Variants in MARCHF1 observed in about 807,000 individuals in gnomAD.
MARCHF1 encodes E3 ubiquitin-protein ligase MARCHF1.
A neutral mutation model predicts 54.2 loss-of-function variants in MARCHF1; 40 were observed. That is an observed-to-expected ratio of 0.74 (90% CI 0.57 to 0.96). The LOEUF (loss-of-function observed/expected upper bound fraction) is 0.96, where lower values mean the gene tolerates loss of function less well. Ranked by LOEUF, MARCHF1 falls within the 40% of genes least tolerant of loss-of-function variation. The probability of loss-of-function intolerance (pLI) is 0.00; values close to 1 mark genes in which losing one functional copy is unlikely to be tolerated. For synonymous variants in MARCHF1, 236 were observed against 236.3 expected (o/e 1.00, Z 0.01); for missense variants, 586 against 656.5 (o/e 0.89, Z 1.17).
intron 5 of MARCHF1, among the ~76,000 whole-genome samples, chr4:163,647,188 G>T (rs941052391): frequency 6.6e-6 from 1 of 151,938 alleles, no homozygotes; most frequent in Admixed American, 6.6e-5. Context: ...ATGATAAAGG[G>T]GTTAATTCAT....
At chr4:164,304,267 C>T (rs1170686864) in intron 1 of MARCHF1, among the ~76,000 whole-genome samples, 1 of 152,134 alleles carries the variant, frequency 6.6e-6, no homozygotes, top group African/African-American at 2.4e-5. Context: ...AGGGGAAAAA[C>T]ACAAACTGTG....
At chr4:163,771,103 C>A (rs545666511) in intron 4 of MARCHF1, among the ~76,000 whole-genome samples, 3 of 152,192 alleles carry the variant, frequency 2.0e-5, no homozygotes, top group South Asian at 2.1e-4. Flanking sequence ...AACATATGTA[C>A]TTTTAGTTAT....
chr4:163,895,714 G>A (rs1750791152), intron 3 of MARCHF1, among the ~76,000 whole-genome samples: 1 of 152,104 alleles, frequency 6.6e-6, no homozygotes, highest in African/African-American at 2.4e-5. Flanking sequence ...GGGAAGGTGT[G>A]GGCATATTTG....
intron 1 of MARCHF1, among the ~76,000 whole-genome samples, chr4:164,142,913 G>A (rs1756587427): frequency 2.0e-5 from 3 of 152,064 alleles, no homozygotes; most frequent in African/African-American, 7.2e-5. Context: ...CAAAGAAATT[G>A]AAAACTTTGA....
intron 1 of MARCHF1, among the ~76,000 whole-genome samples, chr4:164,302,375 A>T (rs906811283): frequency 6.6e-6 from 1 of 152,142 alleles, no homozygotes; most frequent in Non-Finnish European, 1.5e-5. Flanking sequence ...GAATTTTAAC[A>T]TGTCTTGATT....
At chr4:164,010,618 G>A (rs1753400750) in intron 2 of MARCHF1, among the ~76,000 whole-genome samples, 1 of 151,752 alleles carries the variant, frequency 6.6e-6, no homozygotes, top group African/African-American at 2.4e-5. Context: ...AGAAACTTAA[G>A]ACACAAAAAT....
intron 5 of MARCHF1, among the ~76,000 whole-genome samples, chr4:163,652,127 A>T (rs1364493416): frequency 6.6e-6 from 1 of 151,742 alleles, no homozygotes; most frequent in African/African-American, 2.4e-5. Context: ...ACACTATCTC[A>T]TCTAGGAAGG....
rs528271907 is a variant in MARCHF1 at position 164,245,429 on chromosome 4, A to C, written c.-322-133767T>G. On this transcript the variant is annotated intron_variant, in intron 1 of 9. Coordinates refer to ENST00000514618, the MANE Select transcript of MARCHF1 (RefSeq NM_001394959.1). ...TCATGCTAAAAACTCTCAATAAATT[A>C]GGTATTGATGGGACATATCTCAAAA... Among the ~76,000 whole-genome samples, 13 of 152,360 alleles carry C rather than the reference A, an allele frequency of 8.5e-5. No individual in the cohort carries two copies. The East Asian group carries it at 2.5e-3, about 29-fold the overall frequency.
intron 2 of MARCHF1, among the ~76,000 whole-genome samples, chr4:164,062,734 G>A (rs908426980): frequency 5.1e-4 from 77 of 152,228 alleles, no homozygotes; most frequent in African/African-American, 1.7e-3. Flanking sequence ...ACGTTAGCCA[G>A]GCTAGTCTCC....
In MARCHF1 at chr4:163,730,515, G is replaced by C. The variant is rs138854104; in HGVS notation, c.112-29652C>G. 4.6e-4 allele frequency among the ~76,000 whole-genome samples: 70 copies of C among 152,072 alleles called. 1 individual carries two copies. The East Asian group carries it at 9.7e-3, about 21-fold the overall frequency. On this transcript the variant is annotated intron_variant, in intron 4 of 9. Transcript: ENST00000514618. ...TGAATGTAATTGTGTGGTAACTCTG[G>C]AAATCCAATACTACCTTTTACTCAA...
At position 164,304,936 on chromosome 4, in the gene MARCHF1, T is replaced by C. The variant is rs185785856; in HGVS notation, c.-323+78934A>G. Among the ~76,000 whole-genome samples, 874 of 152,114 alleles carry C rather than the reference T, an allele frequency of 5.7e-3. 6 individuals are homozygous for C. Among genetic ancestry groups the C allele is most frequent in the African/African-American group, 0.02 (834 of 41,564 alleles). ...AAGTTTTATTTATTTTTTAGAACAA[T>C]TGCTTTTAGATTTTCAGATATTTGA... On this transcript the variant is annotated intron_variant, in intron 1 of 9. Coordinates refer to ENST00000514618, the MANE Select transcript of MARCHF1 (RefSeq NM_001394959.1).
intron 1 of MARCHF1, among the ~76,000 whole-genome samples, chr4:164,198,000 C>G (rs537444258): frequency 6.6e-6 from 1 of 152,210 alleles, no homozygotes; most frequent in South Asian, 2.1e-4. Context: ...AGGCACTCCC[C>G]TCTACACTAC....
intron 2 of MARCHF1, among the ~76,000 whole-genome samples, chr4:164,032,480 A>C (rs916166824): frequency 1.3e-5 from 2 of 152,092 alleles, no homozygotes; most frequent in African/African-American, 4.8e-5. Context: ...TAGTGCTATA[A>C]ATTTTCCACT....
chr4:164,023,104 A>C lies in MARCHF1; in HGVS notation c.-247-34395T>G, dbSNP rs1753697969. ...GGGAAAAAGGCCCCGCTCTCAGAGC[A>C]CAGAGAGGGGTGAGGCACATGGGTT... On this transcript the variant is annotated intron_variant, in intron 2 of 9. Coordinates refer to ENST00000514618, the MANE Select transcript of MARCHF1 (RefSeq NM_001394959.1). Among the ~76,000 whole-genome samples, 3 of 152,230 alleles carry C rather than the reference A, an allele frequency of 2.0e-5. 1 individual carries two copies. The South Asian group carries it at 6.2e-4, about 31-fold the overall frequency.
At chr4:164,210,281 A>C (rs751056262) in intron 1 of MARCHF1, among the ~76,000 whole-genome samples, 2 of 152,202 alleles carry the variant, frequency 1.3e-5, no homozygotes, top group Non-Finnish European at 2.9e-5. Context: ...TTAAAGCTGA[A>C]GAACATTTTA....
chr4:163,628,546 A>G (rs928267946), intron 5 of MARCHF1, among the ~76,000 whole-genome samples: 2 of 152,126 alleles, frequency 1.3e-5, no homozygotes, highest in East Asian at 3.9e-4. Context: ...AGCTCTGGCC[A>G]TGGCCATCAG....
intron 3 of MARCHF1, among the ~76,000 whole-genome samples, chr4:163,857,479 G>A (rs1045864050): frequency 6.6e-6 from 1 of 152,054 alleles, no homozygotes; most frequent in Non-Finnish European, 1.5e-5. Flanking sequence ...AGTATCATTA[G>A]TAATATACCA....
chr4:163,536,580 C>T (rs551018378), intron 9 of MARCHF1, among the ~76,000 whole-genome samples: 1 of 152,210 alleles, frequency 6.6e-6, no homozygotes, highest in South Asian at 2.1e-4. Flanking sequence ...ACTTTGTTTT[C>T]CATAGTTCCT....
chr4:164,199,888 TC>T (rs1452756437), intron 1 of MARCHF1, among the ~76,000 whole-genome samples: 4 of 152,140 alleles, frequency 2.6e-5, no homozygotes, highest in African/African-American at 9.7e-5. Flanking sequence ...CAGTCTTTGC[TC>T]CCATGGCACA....
Sources: allele counts gnomAD v4.1 joint callset (sites outside exome capture counted in the v4.1 genomes callset), GRCh38; gene constraint gnomAD v4.1.1; transcripts MANE v1.5; gene names NCBI Gene and HGNC (gene_info 2026-07-23, HGNC 2026-07-21).